HELZ: variants seen among roughly 807,000 people sequenced by gnomAD.
HELZ encodes the protein ATP-dependent RNA helicase with zinc finger domain.
HELZ carries 23 observed loss-of-function variants against 218.2 expected under a neutral mutation model. The ratio of observed to expected loss-of-function variants is 0.11; its 90% CI spans 0.08 to 0.15. The LOEUF (loss-of-function observed/expected upper bound fraction) is 0.15, where lower values mean the gene tolerates loss of function less well. Among genes scored for constraint, HELZ ranks in the 10% least tolerant of loss-of-function variants. HELZ has a pLI of 1.00. For synonymous variants in HELZ, 814 were observed against 829.4 expected, an observed-to-expected ratio of 0.98 and a Z score of 0.32; for missense variants, 1,813 against 2,353.7, an observed-to-expected ratio of 0.77 and a Z score of 4.75.
At chr17:67,215,857 CATT>C (rs1343702732) in intron 5 of HELZ, 39 bp downstream of exon 5, 3 of 1,286,780 alleles carry the variant, frequency 2.3e-6, no homozygotes, top group Admixed American at 3.6e-5. Flanking sequence ...AAACCTTAAA[CATT>C]GTTCAATTCA....
At chr17:67,220,028 G>A (rs1450603432) in intron 3 of HELZ, among the ~76,000 whole-genome samples, 1 of 152,164 alleles carries the variant, frequency 6.6e-6, no homozygotes, top group Non-Finnish European at 1.5e-5. Flanking sequence ...TTCCGTGCCT[G>A]CATCCACCTT....
chr17:67,160,382 A>C lies in HELZ; in HGVS notation c.2076-20T>G, dbSNP rs772913091. The stretch of plus-strand genomic sequence containing the variant: ...AGAATCCTGCTGAAATAAATGGTGC[A>C]AATAAAAAGAATGATAAAACACAAA... On this transcript the variant is annotated intron_variant, in intron 16 of 32. Coordinates refer to ENST00000358691, the MANE Select transcript of HELZ (RefSeq NM_014877.4). The C allele has an allele frequency of 1.3e-6, 2 of 1,512,100 alleles. No individual in the cohort carries two copies. Among genetic ancestry groups the C allele is most frequent in the Admixed American group, 3.4e-5 (2 of 59,526 alleles). The allele number at this position is 1,512,100 out of a possible 1,614,324, so 93.7% of individuals were successfully genotyped here. A position where few individuals can be genotyped will look rare whatever the true frequency, so the allele number is the denominator to read the frequency against.
upstream of HELZ, chr17:67,245,637 T>G (rs1424472207): frequency 5.0e-6 from 3 of 595,104 alleles, no homozygotes; most frequent in Non-Finnish European, 6.3e-6. Context: ...GCGGCCGGGG[T>G]CGCCTTCAGA....
At chr17:67,095,040 T>G (rs2036700791) in intron 31 of HELZ, among the ~76,000 whole-genome samples, 1 of 152,194 alleles carries the variant, frequency 6.6e-6, no homozygotes, top group Non-Finnish European at 1.5e-5. Flanking sequence ...GCACACAAAG[T>G]TGTTTGATGG....
At chr17:67,234,274 G>C (rs1194458664) in intron 3 of HELZ, among the ~76,000 whole-genome samples, 4 of 127,662 alleles carry the variant, frequency 3.1e-5, no homozygotes, top group African/African-American at 1.2e-4. Flanking sequence ...AAAGAGCCGA[G>C]ATGGAGCCAC....
At chr17:67,184,008 TA>T (rs34266393) in intron 12 of HELZ, among the ~76,000 whole-genome samples, 197 of 146,442 alleles carry the variant, frequency 1.3e-3, no homozygotes, top group Non-Finnish European at 1.9e-3. Context: ...CAGTAATATT[TA>T]AAAAAAAAAA....
chr17:67,166,751 T>C (rs934250706), intron 14 of HELZ, 143 bp from the exon 15 acceptor site: 1 of 638,776 alleles, frequency 1.6e-6, no homozygotes, highest in East Asian at 2.8e-5. Context: ...TAATCATAAT[T>C]ATGATGAATA....
chr17:67,071,918 C>T lies in HELZ; in HGVS notation c.*6334G>A, dbSNP rs975537892. The T allele has an allele frequency of 6.6e-6, 1 of 152,526 alleles. No homozygotes were observed. The highest frequency in any genetic ancestry group is 2.4e-5 in the African/African-American group (1 of 41,396). The allele number at this position is 152,526 out of a possible 1,614,324, so 9.4% of individuals were successfully genotyped here. On this transcript the variant is annotated 3_prime_UTR_variant, in exon 33 of 33. Coordinates refer to ENST00000358691, the MANE Select transcript of HELZ (RefSeq NM_014877.4). ...ATGTAACACTTCAGGCTCTCTCTAA[C>T]ACCTGCTGGCATGGCAGAGAATCTA...
At chr17:67,211,567 A>G (rs973051427) in intron 5 of HELZ, among the ~76,000 whole-genome samples, 1 of 152,198 alleles carries the variant, frequency 6.6e-6, no homozygotes, top group African/African-American at 2.4e-5. Flanking sequence ...TCATATTAAA[A>G]AAGAAATAAT....
rs1000624685 is a variant in HELZ at position 67,071,550 on chromosome 17, T to C, written c.*6702A>G. ...CTTCACGTGTACTTTTACACCTAAG[T>C]CATTCTGTATTCTATTACCATAAAA... On this transcript the variant is annotated 3_prime_UTR_variant, in exon 33 of 33. Transcript: ENST00000358691. 6.6e-6 allele frequency: 1 copy of C among 152,186 alleles called. No homozygotes were observed. The highest frequency in any genetic ancestry group is 1.5e-5 in the Non-Finnish European group (1 of 68,038). 9.4% of individuals were successfully genotyped at this position (152,186 alleles called of 1,614,324 possible).
At chr17:67,231,509 C>T (rs2041034935) in intron 3 of HELZ, among the ~76,000 whole-genome samples, 1 of 149,454 alleles carries the variant, frequency 6.7e-6, no homozygotes, top group East Asian at 2.0e-4. Context: ...AGGAGAATGG[C>T]GTGAACCCGG....
chr17:67,130,870 T>A (rs1420863846), intron 23 of HELZ, among the ~76,000 whole-genome samples: 3 of 152,224 alleles, frequency 2.0e-5, no homozygotes, highest in Admixed American at 6.5e-5. Context: ...GATTGACTTT[T>A]ACTCTGTCTA....
chr17:67,121,713 CA>C (rs1414373527), intron 26 of HELZ, among the ~76,000 whole-genome samples: 1 of 152,130 alleles, frequency 6.6e-6, no homozygotes, highest in Non-Finnish European at 1.5e-5. Context: ...ACAAAATATT[CA>C]AAAATTCTAA....
At chr17:67,193,854 T>A in intron 9 of HELZ, 113 bp downstream of exon 9, 1 of 741,732 alleles carries the variant, frequency 1.3e-6, no homozygotes, top group South Asian at 1.7e-5. Flanking sequence ...TAATGACCTT[T>A]ATGGCTTCTG....
intron 13 of HELZ, among the ~76,000 whole-genome samples, chr17:67,175,963 C>T (rs866747265): frequency 4.6e-5 from 7 of 152,120 alleles, no homozygotes; most frequent in African/African-American, 1.7e-4. Context: ...CCTATAAAAA[C>T]ACTCTACACT....
chr17:67,119,631 T>C (rs2037536438), intron 27 of HELZ, among the ~76,000 whole-genome samples: 1 of 152,204 alleles, frequency 6.6e-6, no homozygotes, highest in African/African-American at 2.4e-5. Flanking sequence ...CATACCTCAA[T>C]AAACTTGAAT....
intron 13 of HELZ, chr17:67,173,187 T>A: frequency 5.3e-6 from 1 of 187,512 alleles, no homozygotes; most frequent in Non-Finnish European, 1.0e-5. Flanking sequence ...TAGTAAAGGT[T>A]ATAGCTATAC....
At chr17:67,222,086 C>A (rs1049870386) in intron 3 of HELZ, among the ~76,000 whole-genome samples, 5 of 152,166 alleles carry the variant, frequency 3.3e-5, no homozygotes, top group Admixed American at 6.5e-5. Flanking sequence ...AAAAGATCAT[C>A]CCAACTTGGC....
rs1208821626 is a variant in HELZ at position 67,167,750 on chromosome 17, T to G, written c.1477A>C (p.Thr493Pro). ...TACTTTGCACCTCCAGAAACACCAG[T>G]GAGCATGAAGCTTGCCAGAATCTGC... ...QLQILASFML[T>P]GVSGGAKYAQ... Residue 493 changes from threonine to proline, a missense_variant, in exon 14 of 33, where the codon ACT (threonine) becomes CCT (proline). Physicochemically the swap from Thr to Pro is conservative, Grantham distance 38. Coordinates refer to ENST00000358691, the MANE Select transcript of HELZ (RefSeq NM_014877.4). 1 of 1,613,854 alleles carries G rather than the reference T, an allele frequency of 6.2e-7. No homozygotes were observed. The highest frequency in any genetic ancestry group is 8.5e-7 in the Non-Finnish European group (1 of 1,179,884).
Sources: allele counts gnomAD v4.1 joint callset (sites outside exome capture counted in the v4.1 genomes callset), GRCh38; gene constraint gnomAD v4.1.1; transcripts MANE v1.5; gene names NCBI Gene and HGNC (gene_info 2026-07-23, HGNC 2026-07-21).